SPEG: variants seen among roughly 807,000 people sequenced by gnomAD.
SPEG encodes striated muscle enriched protein kinase.
In SPEG, 114 loss-of-function variants were observed where a neutral mutation model predicts 300.4. The observed-to-expected ratio is 0.38, with a 90% CI of 0.33 to 0.44. The LOEUF (loss-of-function observed/expected upper bound fraction) is 0.44, where lower values mean the gene tolerates loss of function less well. Ranked by LOEUF, SPEG falls within the 20% of genes least tolerant of loss-of-function variation. The probability of loss-of-function intolerance (pLI) is 1.00; values close to 1 mark genes in which losing one functional copy is unlikely to be tolerated. For synonymous variants in SPEG, 1,964 were observed against 2,018.9 expected (o/e 0.97, Z 0.73); for missense variants, 4,201 against 4,586.2 (o/e 0.92, Z 2.43).
chr2:219,443,011 T>G lies in SPEG; in HGVS notation c.389-1642T>G. 9 of 979,566 alleles carry G rather than the reference T, an allele frequency of 9.2e-6. No homozygotes were observed. Among genetic ancestry groups the G allele is most frequent in the Non-Finnish European group, 1.4e-5 (9 of 635,604 alleles). The allele number at this position is 979,566 out of a possible 1,614,324, so 60.7% of individuals were successfully genotyped here. The stretch of plus-strand genomic sequence containing the variant: ...TCTCACACACACACTGGCCAGGGAA[T>G]GAGTTTCTGCTTGATGTTGCAGGTC... On this transcript the variant is annotated intron_variant, in intron 1 of 40. Coordinates refer to ENST00000312358, the MANE Select transcript of SPEG (RefSeq NM_005876.5). The surrounding 1 kb of genome is among the most constrained non-coding windows in gnomAD (Gnocchi z 4.6).
In SPEG at chr2:219,481,231, C is replaced by G. The variant is rs112377479; in HGVS notation, c.5370-73C>G. 2.2e-5 allele frequency: 34 copies of G among 1,515,584 alleles called. No individual in the cohort carries two copies. The highest frequency in any genetic ancestry group is 1.6e-4 in the African/African-American group (12 of 73,334). The allele number at this position is 1,515,584 out of a possible 1,614,324, so 93.9% of individuals were successfully genotyped here. A position where few individuals can be genotyped will look rare whatever the true frequency, so the allele number is the denominator to read the frequency against. ...CAACCCCAGAGCCTCCATCTGTCCCCAGCCCTGTGCCCCCACTGACATTCC... is the reference window on the plus strand; with the variant it reads ...CAACCCCAGAGCCTCCATCTGTCCCGAGCCCTGTGCCCCCACTGACATTCC... On this transcript the variant is annotated intron_variant, in intron 26 of 40. Transcript: ENST00000312358. The surrounding 1 kb of genome is among the most constrained non-coding windows in gnomAD (Gnocchi z 5.4).
rs1375490090 is a variant in SPEG, at chr2:219,480,114, C to A, written c.5316C>A (p.Ser1772Arg). ...TAGCACCCGAGATTGTCAATCAGAG[C>A]CCCGTGTCTGGAGTCACTGACATCT... ...EFVAPEIVNQ[S>R]PVSGVTDIWP... The change falls in exon 25 of 41, where the codon AGC becomes AGA. Residue 1772 changes from serine to arginine, a missense_variant. Ser to Arg is a moderately radical substitution (Grantham distance 110, BLOSUM62 -1). Coordinates refer to ENST00000312358, the MANE Select transcript of SPEG (RefSeq NM_005876.5). This position sits in a 1 kb window ranked among gnomAD's most constrained non-coding sequence, Gnocchi z 5.3. The A allele has an allele frequency of 6.2e-7, 1 of 1,613,920 alleles. No homozygotes were observed.
Position 219,489,568 on chromosome 2 carries a change from G to A in SPEG, c.8550G>A (p.Arg2850=). The change falls in exon 36 of 41, where the codon AGG becomes AGA. Residue 2850 remains arginine, a synonymous_variant. Transcript: ENST00000312358. Reference sequence around the variant, plus strand: ...CCCAAACCCCTCCACGAAGACACAGGGGCCTGCAGGCTGCCCGGCCAGCGG... The same window carrying A: ...CCCAAACCCCTCCACGAAGACACAGAGGCCTGCAGGCTGCCCGGCCAGCGG... ...PPPQTPPRRH[R]GLQAARPAEP... The A allele has an allele frequency of 6.2e-7, 1 of 1,613,570 alleles. No homozygotes were observed.
In SPEG at chr2:219,468,859, G is replaced by T; in HGVS notation, c.3302G>T (p.Gly1101Val). The T allele has an allele frequency of 6.2e-7, 1 of 1,610,978 alleles. No homozygotes were observed. The highest frequency in any genetic ancestry group is 8.5e-7 in the Non-Finnish European group (1 of 1,178,118). The change falls in exon 12 of 41, where the codon GGC becomes GTC. Residue 1101 changes from glycine (G) to valine (V), a missense_variant and splice_region_variant. Around this residue, in one of 4 missense-constraint regions of SPEG, gnomAD observed 1,047 missense variants for 1,356.8 expected, o/e 0.77. Transcript: ENST00000312358. ...GCATTCCCACCCCTCCTTTCTGCAG[G>T]CTGCCCCATGGAGGAGAGTGAGAAC... The part of the protein sequence containing the change: ...PPPVVTWTHF[G>V]CPMEESENLR...
intron 13 of SPEG, 126 bp downstream of exon 13, chr2:219,469,505 G>GTCA: frequency 1.3e-6 from 1 of 787,826 alleles, no homozygotes; most frequent in Non-Finnish European, 2.0e-6. Flanking sequence ...AGGGTGCCTG[G>GTCA]GGGAAGGGAA....
chr2:219,467,149 G>A, intron 9 of SPEG, 25 bp from the exon 10 acceptor site: 1 of 1,554,120 alleles, frequency 6.4e-7, no homozygotes, highest in South Asian at 1.2e-5. Context: ...TCTGTGCGTG[G>A]CCCCCGTGGC....
At chr2:219,465,767 T>A in intron 9 of SPEG, 1 of 540,680 alleles carries the variant, frequency 1.8e-6, no homozygotes. Context: ...CAGCCCTCTA[T>A]GCAGAAGGGC....
At chr2:219,435,524 G>A (rs1021107494) in intron 1 of SPEG, among the ~76,000 whole-genome samples, 159 bp downstream of exon 1, 1 of 152,250 alleles carries the variant, frequency 6.6e-6, no homozygotes, top group African/African-American at 2.4e-5. Context: ...GTGAGACGAA[G>A]AGCCAAGTGC....
intron 31 of SPEG, among the ~76,000 whole-genome samples, chr2:219,486,941 G>T (rs537071119): frequency 6.6e-6 from 1 of 152,178 alleles, no homozygotes; most frequent in South Asian, 2.1e-4. Context: ...CGGGAAGGGG[G>T]CACACTGCCA....
In SPEG at chr2:219,477,628, C is replaced by G; in HGVS notation, c.4730-61C>G. On this transcript the variant is annotated intron_variant, in intron 20 of 40. Transcript: ENST00000312358. The surrounding 1 kb of genome is among the most constrained non-coding windows in gnomAD (Gnocchi z 6.4). ...CTCTTCTTCTTCTGTCCACCTGTCC[C>G]AGTCTCTGGCCTGCTTGCTTTCTTC... 6.9e-7 allele frequency: 1 copy of G among 1,444,714 alleles called. No individual in the cohort carries two copies. 89.5% of individuals were successfully genotyped at this position (1,444,714 alleles called of 1,614,324 possible).
chr2:219,483,823 C>A lies in SPEG; in HGVS notation c.6360C>A (p.Leu2120=), dbSNP rs1384333462. ...SEAAPHHQPP[L]ENRGLQKSSS... ...CAGCGCCCCACCACCAGCCCCCACT[C>A]GAGAACCGGGGCCTGCAAAAGAGCA... is the stretch of plus-strand genomic sequence containing the variant. Residue 2120 remains leucine, a synonymous_variant, in exon 30 of 41, where the codon CTC becomes CTA. Transcript: ENST00000312358. The A allele has an allele frequency of 2.5e-6, 4 of 1,581,176 alleles. No individual in the cohort carries two copies. Among genetic ancestry groups the A allele is most frequent in the Admixed American group, 1.8e-5 (1 of 56,856 alleles).
At position 219,448,536 on chromosome 2, in the gene SPEG, C is replaced by G; in HGVS notation, c.1378C>G (p.Pro460Ala). 6.9e-7 allele frequency: 1 copy of G among 1,444,576 alleles called. No individual in the cohort carries two copies. Among genetic ancestry groups the G allele is most frequent in the South Asian group, 1.4e-5 (1 of 71,756 alleles). The allele number at this position is 1,444,576 out of a possible 1,614,324, so 89.5% of individuals were successfully genotyped here. A position where few individuals can be genotyped will look rare whatever the true frequency, so the allele number is the denominator to read the frequency against. ...GGCCTCGCAGGAAGAACTGCGGGCG[C>G]CAGGCAGCGTGGCCGAGCGGCGCCG... ...PGASQEELRA[P>A]GSVAERRRLF... is the part of the protein sequence containing the mutation. The change falls in exon 4 of 41, where the codon CCA (proline) becomes GCA (alanine). Residue 460 changes from proline (P) to alanine (A), a missense_variant. Around this residue, in one of 4 missense-constraint regions of SPEG, gnomAD observed 1,258 missense variants for 1,293.9 expected, o/e 0.97. Coordinates refer to ENST00000312358, the MANE Select transcript of SPEG (RefSeq NM_005876.5).
chr2:219,492,825 G>A lies in SPEG; in HGVS notation c.*39G>A, dbSNP rs535455604. The stretch of plus-strand genomic sequence containing the variant: ...AGCCAGGCCTCGGGCTTCAACTGGG[G>A]TTCCCACCAATGCCACGGGACATTC... On this transcript the variant is annotated 3_prime_UTR_variant, in exon 41 of 41. Transcript: ENST00000312358. 10 of 1,535,958 alleles carry A rather than the reference G, an allele frequency of 6.5e-6. No individual in the cohort carries two copies. The highest frequency in any genetic ancestry group is 8.7e-6 in the Non-Finnish European group (10 of 1,144,636).
chr2:219,479,970 CCTG>C lies in SPEG; in HGVS notation c.5176_5178del (p.Leu1726del). 6.2e-7 allele frequency: 1 copy of C among 1,614,214 alleles called. No homozygotes were observed. Among genetic ancestry groups the C allele is most frequent in the Non-Finnish European group, 8.5e-7 (1 of 1,180,034 alleles). On this transcript the variant is annotated inframe_deletion, in exon 25 of 41. Transcript: ENST00000312358. The surrounding 1 kb of genome is among the most constrained non-coding windows in gnomAD (Gnocchi z 5.5). ...CGCCTTGTGTCTTCCAGCCTGAGAA[CCTG>C]CTGGTGTGGGATGGTGCTGCGGGCG...
Position 219,473,635 on chromosome 2 carries a change from C to A in SPEG, c.4271+8C>A. ...CCAGGTCGTCTGGAGGAGGTGGGCC[C>A]CTTTCCCACATGTGGCAGCCCAGGT... On this transcript the variant is annotated splice_region_variant and intron_variant, in intron 17 of 40. Transcript: ENST00000312358. This position sits in a 1 kb window ranked among gnomAD's most constrained non-coding sequence, Gnocchi z 4.6. The A allele has an allele frequency of 1.9e-6, 3 of 1,614,164 alleles. No homozygotes were observed. Among genetic ancestry groups the A allele is most frequent in the Non-Finnish European group, 2.5e-6 (3 of 1,180,016 alleles).
rs1263306795 is a variant in SPEG at position 219,464,558 on chromosome 2, C to T, written c.2831C>T (p.Ala944Val). Residue 944 changes from alanine (A) to valine (V), a missense_variant, in exon 9 of 41, where the codon GCG becomes GTG. This residue lies in a region of SPEG where 1,047 missense variants were observed against 1,356.8 expected (regional missense o/e 0.77). Coordinates refer to ENST00000312358, the MANE Select transcript of SPEG (RefSeq NM_005876.5). The surrounding 1 kb of genome is among the most constrained non-coding windows in gnomAD (Gnocchi z 4.5). ...RGDAGFYTCK[A>V]VNEYGARQCE... ...GATGCTGGTTTCTACACTTGCAAAG[C>T]GGTCAATGAGTATGGTGCTCGGCAG... 2.0e-5 allele frequency: 32 copies of T among 1,614,248 alleles called. No individual in the cohort carries two copies. Among genetic ancestry groups the T allele is most frequent in the Non-Finnish European group, 2.4e-5 (28 of 1,180,042 alleles).
Position 219,481,935 on chromosome 2 carries a change from C to G in SPEG, c.5565+255C>G, listed in dbSNP as rs1692886569. The G allele has an allele frequency of 1.7e-6, 1 of 584,188 alleles. No homozygotes were observed. The highest frequency in any genetic ancestry group is 1.9e-5 in the African/African-American group (1 of 53,610). The allele number at this position is 584,188 out of a possible 1,614,324, so 36.2% of individuals were successfully genotyped here. On this transcript the variant is annotated intron_variant, in intron 28 of 40. Coordinates refer to ENST00000312358, the MANE Select transcript of SPEG (RefSeq NM_005876.5). The surrounding 1 kb of genome is among the most constrained non-coding windows in gnomAD (Gnocchi z 5.4). ...CTCCAGGGCATACGTCTGGACCTCT[C>G]CATCCTGGGCGTCCTCAGTGGAGTT...
rs761485766 is a variant in SPEG, at chr2:219,445,003, G to A, written c.657G>A (p.Gly219=). The part of the protein sequence containing the change: ...PGSPRQAQAT[G]AGPRHLGVEP... ...GCCCAAGGCAAGCACAGGCAACCGG[G>A]GCCGGGCCACGGCACCTGGGGGTGG... The change falls in exon 3 of 41, where the codon GGG becomes GGA. Residue 219 remains glycine (G), a synonymous_variant. Transcript: ENST00000312358. The surrounding 1 kb of genome is among the most constrained non-coding windows in gnomAD (Gnocchi z 6.1). The A allele has an allele frequency of 1.2e-6, 2 of 1,611,034 alleles. No homozygotes were observed. The highest frequency in any genetic ancestry group is 2.2e-5 in the East Asian group (1 of 44,818).
chr2:219,484,288 C>T lies in SPEG; in HGVS notation c.6825C>T (p.His2275=), dbSNP rs753319664. 1.9e-6 allele frequency: 3 copies of T among 1,607,824 alleles called. No individual in the cohort carries two copies. The highest frequency in any genetic ancestry group is 2.7e-5 in the African/African-American group (2 of 75,034). The change falls in exon 30 of 41, where the codon CAC becomes CAT. Residue 2275 remains histidine, a synonymous_variant. Transcript: ENST00000312358. Reference sequence around the variant, plus strand: ...CGCCGCCTTCAGAGCCCAAGCCCCACGCTGCTGTCTTTGCCAGGGTGGCCT... The same window carrying T: ...CGCCGCCTTCAGAGCCCAAGCCCCATGCTGCTGTCTTTGCCAGGGTGGCCT... ...PAAPPSEPKP[H]AAVFARVASP...
Sources: allele counts gnomAD v4.1 joint callset (sites outside exome capture counted in the v4.1 genomes callset), GRCh38; gene constraint gnomAD v4.1.1; regional missense constraint gnomAD v4.1.1; non-coding constraint Gnocchi (gnomAD v3.1); transcripts MANE v1.5; gene names NCBI Gene and HGNC (gene_info 2026-07-23, HGNC 2026-07-21).